SLC12A9: variants seen among roughly 807,000 people sequenced by gnomAD.
The protein encoded by SLC12A9 is solute carrier family 12 member 9.
In SLC12A9, 55 loss-of-function variants were observed where a neutral mutation model predicts 66.0. The observed-to-expected ratio is 0.83, with a 90% confidence interval of 0.67 to 1.04. The LOEUF (loss-of-function observed/expected upper bound fraction) is 1.04. SLC12A9 is among the 50% of genes least tolerant of loss of function. The pLI, the probability that SLC12A9 is intolerant of heterozygous loss-of-function variation, is 0.00. For synonymous variants in SLC12A9, 577 were observed against 569.0 expected, an observed-to-expected ratio of 1.01 and a Z score of -0.20; for missense variants, 1,061 against 1,241.9, an observed-to-expected ratio of 0.85 and a Z score of 2.19.
At chr7:100,832,595 T>C (rs866155353) in intron 1 of SLC12A9, among the ~76,000 whole-genome samples, 1 of 152,138 alleles carries the variant, frequency 6.6e-6, no homozygotes, top group Non-Finnish European at 1.5e-5. Flanking sequence ...TATGAAGAGA[T>C]GGTCAAAGAG....
intron 12 of SLC12A9, 30 bp from the exon 13 acceptor site, chr7:100,862,651 G>A (rs748397818): frequency 1.2e-6 from 2 of 1,611,734 alleles, no homozygotes; most frequent in Non-Finnish European, 1.7e-6. Context: ...GACAACACTG[G>A]CTACCTTCCT....
At chr7:100,847,997 A>G (rs1472529706), upstream of SLC12A9, among the ~76,000 whole-genome samples, 5 of 149,646 alleles carry the variant, frequency 3.3e-5, no homozygotes, top group East Asian at 1.1e-3. Context: ...GAGGCAGGAG[A>G]ATCGCTTGAA....
chr7:100,828,156 C>T (rs370498576), intron 1 of SLC12A9, among the ~76,000 whole-genome samples: 4 of 152,176 alleles, frequency 2.6e-5, no homozygotes, highest in African/African-American at 9.7e-5. Context: ...ACCTACTGTG[C>T]GCGCAACCAA....
At chr7:100,863,511 C>T (rs975636109) in intron 13 of SLC12A9, among the ~76,000 whole-genome samples, 5 of 152,172 alleles carry the variant, frequency 3.3e-5, no homozygotes, top group Admixed American at 1.3e-4. Flanking sequence ...GAAGGCAGGC[C>T]AGCCACTATA....
At chr7:100,851,247 C>T (rs1394606905), upstream of SLC12A9, among the ~76,000 whole-genome samples, 12 of 151,898 alleles carry the variant, frequency 7.9e-5, no homozygotes, top group Admixed American at 7.9e-4. Context: ...CTTTAATAAG[C>T]GCAGTAGAAG....
chr7:100,835,227 G>A (rs1359060520), intron 1 of SLC12A9, among the ~76,000 whole-genome samples: 1 of 151,722 alleles, frequency 6.6e-6, no homozygotes, highest in Non-Finnish European at 1.5e-5. Flanking sequence ...ATGGTGGTGC[G>A]TGCCTGTTAT....
intron 1 of SLC12A9, among the ~76,000 whole-genome samples, chr7:100,840,609 G>T (rs1471970831): frequency 1.3e-5 from 2 of 152,004 alleles, no homozygotes; most frequent in African/African-American, 4.8e-5. Flanking sequence ...GGAAGAGACA[G>T]AGAGGAAAAG....
At position 100,839,561 on chromosome 7, in the gene SLC12A9, A is replaced by C. The variant is rs1483243958; in HGVS notation, n.228+12514A>C. Among the ~76,000 whole-genome samples the C allele has an allele frequency of 2.0e-5, 3 of 151,952 alleles. No homozygotes were observed. The East Asian group carries it at 5.8e-4, about 29-fold the overall frequency. On this transcript the variant is annotated intron_variant and non_coding_transcript_variant, in intron 1 of 1. Coordinates refer to the SLC12A9 transcript ENST00000461016. ...GCCGTGTGGAACATCCCTGCGGGCGACTCTAACTAGCCCGGGCGACGCGGA... is the reference window on the plus strand; with the variant it reads ...GCCGTGTGGAACATCCCTGCGGGCGCCTCTAACTAGCCCGGGCGACGCGGA...
intron 9 of SLC12A9, chr7:100,860,880 T>A (rs991887130): frequency 1.7e-6 from 1 of 591,696 alleles, no homozygotes; most frequent in African/African-American, 1.8e-5. Context: ...ACACTGGGGA[T>A]ACACTGGCAC....
chr7:100,865,294 G>T, intron 13 of SLC12A9: 1 of 1,535,792 alleles, frequency 6.5e-7, no homozygotes, highest in Admixed American at 2.0e-5. Flanking sequence ...CAGAGTCTGG[G>T]ACGCTATTAC....
chr7:100,845,329 A>T (rs1813884771), intron 1 of SLC12A9, among the ~76,000 whole-genome samples: 2 of 149,424 alleles, frequency 1.3e-5, no homozygotes, highest in African/African-American at 4.9e-5. Flanking sequence ...TAGTTGTGTT[A>T]TTGGCGCTAT....
chr7:100,859,550 C>CA, intron 7 of SLC12A9: 1 of 373,308 alleles, frequency 2.7e-6, no homozygotes, highest in South Asian at 3.1e-5. Flanking sequence ...AGCCTCCCCC[C>CA]AAATACAAAA....
At chr7:100,836,928 A>T (rs1813672779) in intron 1 of SLC12A9, among the ~76,000 whole-genome samples, 1 of 152,026 alleles carries the variant, frequency 6.6e-6, no homozygotes, top group Non-Finnish European at 1.5e-5. Context: ...TAATTCTGAG[A>T]GTGCCATTAG....
intron 2 of SLC12A9, 75 bp downstream of exon 2, chr7:100,854,453 T>C: frequency 6.3e-7 from 1 of 1,592,176 alleles, no homozygotes; most frequent in South Asian, 1.1e-5. Flanking sequence ...GAGATGGGAC[T>C]GGGATAAGAT....
At chr7:100,841,280 A>T (rs183561532) in intron 1 of SLC12A9, among the ~76,000 whole-genome samples, 3 of 152,194 alleles carry the variant, frequency 2.0e-5, no homozygotes, top group Non-Finnish European at 4.4e-5. Context: ...AGTATAATTT[A>T]AAAGTAACTA....
At chr7:100,854,876 T>G (rs1317286369) in intron 3 of SLC12A9, 122 bp downstream of exon 3, 5 of 1,412,352 alleles carry the variant, frequency 3.5e-6, no homozygotes, top group Non-Finnish European at 4.8e-6. Flanking sequence ...TCTTAAAATT[T>G]TTTTAGGCTG....
At chr7:100,835,784 G>A (rs1813643383) in intron 1 of SLC12A9, among the ~76,000 whole-genome samples, 1 of 152,248 alleles carries the variant, frequency 6.6e-6, no homozygotes, top group South Asian at 2.1e-4. Context: ...CTTGAGTGCT[G>A]TTGGAATAGC....
chr7:100,851,710 G>A (rs1814085313), upstream of SLC12A9, among the ~76,000 whole-genome samples: 1 of 146,450 alleles, frequency 6.8e-6, no homozygotes, highest in Non-Finnish European at 1.5e-5. Flanking sequence ...GAGGATGCTT[G>A]AGCCGGAAAT....
chr7:100,854,211 G>A lies in SLC12A9; in HGVS notation c.14G>A (p.Ser5Asn), dbSNP rs1043531130. 6.4e-7 allele frequency: 1 copy of A among 1,568,798 alleles called. No homozygotes were observed. Among genetic ancestry groups the A allele is most frequent in the South Asian group, 1.2e-5 (1 of 81,336 alleles). The change falls in exon 2 of 14, where the codon AGC becomes AAC. Residue 5 changes from serine to asparagine, a missense_variant. Physicochemically the swap from Ser to Asn is conservative, Grantham distance 46 (BLOSUM62 1). Transcript: ENST00000354161. ...CTGTGCTCAGCCATGGCCAGCGAGA[G>A]CTCACCTCTGCTGGCCTACCGGCTC... Reference protein sequence around the residue: MASESSPLLAYRLLG... With the variant: MASENSPLLAYRLLG...
Sources: gnomAD v4.1 joint callset for allele counts (sites outside exome capture counted in the v4.1 genomes callset) on GRCh38, gnomAD v4.1.1 for gene constraint, MANE v1.5 for transcripts, NCBI Gene and HGNC (gene_info 2026-07-23, HGNC 2026-07-21) for gene names.